Variants in NLGN1 observed in about 807,000 individuals in gnomAD.
NLGN1 encodes neuroligin-1.
A neutral mutation model predicts 65.5 loss-of-function variants in NLGN1; 12 were observed. The observed-to-expected ratio is 0.18, with a 90% CI of 0.12 to 0.30. NLGN1 has a LOEUF of 0.30. NLGN1 is among the 10% of genes least tolerant of loss of function. The probability of loss-of-function intolerance (pLI) is 1.00; values close to 1 mark genes in which losing one functional copy is unlikely to be tolerated. For missense variants in NLGN1, 750 were observed against 1,007.1 expected, an observed-to-expected ratio of 0.74 and a Z score of 3.46; for synonymous variants, 350 against 359.5, an observed-to-expected ratio of 0.97 and a Z score of 0.30.
intron 2 of NLGN1, among the ~76,000 whole-genome samples, chr3:173,461,156 AAATC>A (rs1311187283): frequency 6.6e-6 from 1 of 152,182 alleles, no homozygotes; most frequent in African/African-American, 2.4e-5. Context: ...TGATGTAAGG[AAATC>A]AATCAAAGAG....
At chr3:173,416,300 G>A (rs185612069) in intron 1 of NLGN1, among the ~76,000 whole-genome samples, 36 of 152,262 alleles carry the variant, frequency 2.4e-4, no homozygotes, top group Non-Finnish European at 3.4e-4. Flanking sequence ...TTGCAAAATA[G>A]AGATAATATC....
intron 3 of NLGN1, among the ~76,000 whole-genome samples, chr3:173,765,824 C>A (rs1368975023): frequency 6.6e-6 from 1 of 152,158 alleles, no homozygotes; most frequent in East Asian, 1.9e-4. Context: ...CCATTCTGCT[C>A]ATTTTGTTCT....
At chr3:173,676,258 G>C (rs941994534) in intron 3 of NLGN1, among the ~76,000 whole-genome samples, 3 of 152,096 alleles carry the variant, frequency 2.0e-5, no homozygotes, top group African/African-American at 7.2e-5. Flanking sequence ...GCCTTTGACA[G>C]ACTATAGAAT....
chr3:174,115,716 A>G (rs149097304), intron 4 of NLGN1, among the ~76,000 whole-genome samples: 209 of 152,278 alleles, frequency 1.4e-3, no homozygotes, highest in African/African-American at 4.9e-3. Flanking sequence ...TTACATCCAG[A>G]TGTCACAATA....
chr3:173,652,164 A>C (rs1447158785), intron 3 of NLGN1, among the ~76,000 whole-genome samples: 6 of 152,092 alleles, frequency 3.9e-5, no homozygotes, highest in African/African-American at 1.2e-4. Context: ...AATTTTGGAT[A>C]TTAGTCCACT....
intron 3 of NLGN1, among the ~76,000 whole-genome samples, chr3:173,649,561 T>A (rs1426108687): frequency 6.6e-6 from 1 of 152,126 alleles, no homozygotes; most frequent in Admixed American, 6.5e-5. Context: ...GCCATAAGAT[T>A]CTTTTTCACC....
chr3:173,757,021 A>G (rs774283955), intron 3 of NLGN1, among the ~76,000 whole-genome samples: 3 of 152,048 alleles, frequency 2.0e-5, no homozygotes, highest in South Asian at 2.1e-4. Context: ...CACTGACTCC[A>G]TTTTCTAAAC....
At chr3:173,759,709 T>C (rs1222855113) in intron 3 of NLGN1, among the ~76,000 whole-genome samples, 4 of 152,016 alleles carry the variant, frequency 2.6e-5, no homozygotes, top group Non-Finnish European at 1.5e-5. Context: ...TTGCCATTTT[T>C]ATTTGTAGAA....
intron 3 of NLGN1, among the ~76,000 whole-genome samples, chr3:173,767,639 G>A (rs1778974014): frequency 6.6e-6 from 1 of 151,992 alleles, no homozygotes; most frequent in Non-Finnish European, 1.5e-5. Flanking sequence ...ATTGAATAGT[G>A]CAATTTGTTT....
intron 2 of NLGN1, among the ~76,000 whole-genome samples, chr3:173,448,074 C>T (rs561241264): frequency 6.6e-5 from 10 of 152,190 alleles, no homozygotes; most frequent in African/African-American, 2.4e-4. Flanking sequence ...GCCTGATTGC[C>T]CTGGCCAGAA....
intron 4 of NLGN1, among the ~76,000 whole-genome samples, chr3:173,972,488 T>G (rs181554847): frequency 3.9e-4 from 60 of 152,222 alleles, no homozygotes; most frequent in African/African-American, 1.4e-3. Context: ...GTTCAGTAAG[T>G]TCCCAAAGAA....
At chr3:174,062,240 G>A (rs571171516) in intron 4 of NLGN1, among the ~76,000 whole-genome samples, 1 of 152,142 alleles carries the variant, frequency 6.6e-6, no homozygotes, top group East Asian at 1.9e-4. Flanking sequence ...GGGAGTGAGG[G>A]ACAATGGGCG....
intron 4 of NLGN1, among the ~76,000 whole-genome samples, chr3:173,998,235 A>G (rs1198777694): frequency 2.6e-5 from 4 of 152,046 alleles, no homozygotes; most frequent in Non-Finnish European, 4.4e-5. Context: ...CACCTCATCC[A>G]TTGCTGTTTC....
At chr3:173,892,844 T>C (rs547817743) in intron 4 of NLGN1, among the ~76,000 whole-genome samples, 2 of 152,306 alleles carry the variant, frequency 1.3e-5, no homozygotes, top group South Asian at 4.1e-4. Context: ...AGTTAGGTTT[T>C]AACCTGACTT....
chr3:173,539,647 T>C (rs1453020412), intron 2 of NLGN1, among the ~76,000 whole-genome samples: 6 of 61,820 alleles, frequency 9.7e-5, no homozygotes, highest in Admixed American at 1.9e-4. Flanking sequence ...TATATACATA[T>C]ATAACATATG....
intron 1 of NLGN1, among the ~76,000 whole-genome samples, chr3:173,401,455 G>A (rs529969804): frequency 6.6e-6 from 1 of 151,906 alleles, no homozygotes; most frequent in Non-Finnish European, 1.5e-5. Context: ...TTAATAAGTG[G>A]TAGAGGACAC....
intron 2 of NLGN1, among the ~76,000 whole-genome samples, chr3:173,593,695 C>T (rs1483393994): frequency 2.0e-5 from 3 of 152,058 alleles, no homozygotes; most frequent in African/African-American, 4.8e-5. Context: ...ATTAACTGAG[C>T]GCTGCTTCCA....
chr3:174,265,829 A>G (rs1344115774), intron 4 of NLGN1, among the ~76,000 whole-genome samples: 6 of 146,756 alleles, frequency 4.1e-5, no homozygotes, highest in Admixed American at 1.4e-4. Context: ...CAACATCTAT[A>G]TATATATGTT....
chr3:173,893,376 C>T (rs1027299814), intron 4 of NLGN1, among the ~76,000 whole-genome samples: 1 of 152,146 alleles, frequency 6.6e-6, no homozygotes, highest in Non-Finnish European at 1.5e-5. Context: ...GTTACTTTAC[C>T]TTTTGAAGTC....
Sources: allele counts gnomAD v4.1 joint callset (sites outside exome capture counted in the v4.1 genomes callset), GRCh38; gene constraint gnomAD v4.1.1; transcripts MANE v1.5; gene names NCBI Gene and HGNC (gene_info 2026-07-23, HGNC 2026-07-21).